The following MAN1A1 variants were observed in gnomAD, a reference collection of about 807,000 sequenced individuals.
MAN1A1 encodes the protein mannosidase alpha class 1A member 1, also known as mannosyl-oligosaccharide 1,2-alpha-mannosidase IA.
Under a neutral mutation model 70.8 loss-of-function variants are expected in MAN1A1, and 29 were observed. The observed-to-expected ratio is 0.41, with a 90% CI of 0.31 to 0.56. The LOEUF (loss-of-function observed/expected upper bound fraction) is 0.56, where lower values mean the gene tolerates loss of function less well. Among genes scored for constraint, MAN1A1 ranks in the 20% least tolerant of loss-of-function variants. The pLI is 0.29. For synonymous variants in MAN1A1, 349 were observed against 330.1 expected (o/e 1.06, Z -0.62); for missense variants, 747 against 841.3 (o/e 0.89, Z 1.39).
At chr6:119,317,828 C>T (rs929752020) in intron 2 of MAN1A1, among the ~76,000 whole-genome samples, 1 of 150,950 alleles carries the variant, frequency 6.6e-6, no homozygotes, top group Non-Finnish European at 1.5e-5. Context: ...AGGTAGAATT[C>T]ATAAAAATAG....
chr6:119,349,777 C>A (rs1051336294), upstream of MAN1A1: 4 of 983,918 alleles, frequency 4.1e-6, no homozygotes, highest in Non-Finnish European at 4.8e-6. Flanking sequence ...CACTGCCGGT[C>A]TTGGGGCGGT....
chr6:119,285,045 T>TA (rs975064771), intron 5 of MAN1A1, among the ~76,000 whole-genome samples: 10 of 130,476 alleles, frequency 7.7e-5, no homozygotes. Context: ...TCAGGAAACT[T>TA]ACAATCATGG....
At chr6:119,188,329 G>A in intron 11 of MAN1A1, 76 bp downstream of exon 11, 1 of 1,337,052 alleles carries the variant, frequency 7.5e-7, no homozygotes, top group Non-Finnish European at 1.0e-6. Context: ...AAGTTGATAA[G>A]CCTGATTTAT....
chr6:119,243,566 G>A (rs1050034158), intron 6 of MAN1A1, among the ~76,000 whole-genome samples: 2 of 151,944 alleles, frequency 1.3e-5, no homozygotes, highest in African/African-American at 2.4e-5. Flanking sequence ...CAACAAGGGG[G>A]CTATCACCTT....
At chr6:119,210,887 C>T (rs1393007205) in intron 6 of MAN1A1, 1 of 455,864 alleles carries the variant, frequency 2.2e-6, no homozygotes, top group Non-Finnish European at 4.4e-6. Context: ...GATATCCCAC[C>T]TCATATGGTA....
At chr6:119,266,152 T>C (rs1775747954) in intron 5 of MAN1A1, among the ~76,000 whole-genome samples, 1 of 152,134 alleles carries the variant, frequency 6.6e-6, no homozygotes, top group South Asian at 2.1e-4. Flanking sequence ...AGATAGAAGA[T>C]TGAATACCAA....
chr6:119,260,653 A>AC (rs1248519432), intron 5 of MAN1A1, among the ~76,000 whole-genome samples: 1 of 152,058 alleles, frequency 6.6e-6, no homozygotes, highest in Non-Finnish European at 1.5e-5. Context: ...TCTTTTTTTC[A>AC]TTTAGAGGCT....
intron 2 of MAN1A1, chr6:119,331,951 G>C (rs755890058): frequency 2.0e-6 from 1 of 510,650 alleles, no homozygotes; most frequent in South Asian, 1.4e-5. Flanking sequence ...TTTCAACCTC[G>C]CAGGAGCTGC....
chr6:119,201,471 A>G, intron 7 of MAN1A1, 124 bp from the exon 8 acceptor site: 1 of 655,064 alleles, frequency 1.5e-6, no homozygotes, highest in South Asian at 1.8e-5. Context: ...AACTGCTGTT[A>G]GCTTATTATT....
chr6:119,183,854 G>A (rs1462729813), intron 11 of MAN1A1, among the ~76,000 whole-genome samples: 1 of 152,044 alleles, frequency 6.6e-6, no homozygotes, highest in African/African-American at 2.4e-5. Flanking sequence ...TGGCCCCAGA[G>A]GTTCCATGTC....
At chr6:119,304,088 AG>A (rs5879500) in intron 3 of MAN1A1, among the ~76,000 whole-genome samples, 50,446 of 152,080 alleles carry the variant, frequency 0.33, 8,840 homozygotes, top group Non-Finnish European at 0.36. Context: ...TATAAATATA[AG>A]TGAAAATTAT....
chr6:119,274,752 T>C (rs1269467443), intron 5 of MAN1A1, among the ~76,000 whole-genome samples: 4 of 152,172 alleles, frequency 2.6e-5, no homozygotes, highest in Non-Finnish European at 5.9e-5. Context: ...AAAGAGAGAT[T>C]AAAGCTGAAA....
chr6:119,301,266 T>C (rs778220568), intron 4 of MAN1A1, among the ~76,000 whole-genome samples: 8 of 152,190 alleles, frequency 5.3e-5, no homozygotes, highest in Non-Finnish European at 1.2e-4. Flanking sequence ...TATAAGTTCT[T>C]TGTCAATATC....
chr6:119,350,458 C>T, upstream of MAN1A1: 1 of 881,970 alleles, frequency 1.1e-6, no homozygotes, highest in Non-Finnish European at 1.4e-6. Flanking sequence ...CTTTCTTCCC[C>T]CAAAAAACAA....
intron 5 of MAN1A1, among the ~76,000 whole-genome samples, chr6:119,267,846 T>C (rs1314138021): frequency 6.6e-6 from 1 of 152,218 alleles, no homozygotes; most frequent in Admixed American, 6.5e-5. Context: ...CATCTCATTT[T>C]TTCTTTTCTT....
At chr6:119,283,117 G>A (rs1776265058) in intron 5 of MAN1A1, among the ~76,000 whole-genome samples, 1 of 152,166 alleles carries the variant, frequency 6.6e-6, no homozygotes, top group Non-Finnish European at 1.5e-5. Flanking sequence ...AGCTGGGGTG[G>A]GGGTTGAAGG....
At chr6:119,212,057 G>T (rs1381105341) in intron 6 of MAN1A1, among the ~76,000 whole-genome samples, 2 of 151,544 alleles carry the variant, frequency 1.3e-5, no homozygotes, top group Non-Finnish European at 2.9e-5. Flanking sequence ...AGCCAGGATG[G>T]TCTCGATCTC....
At chr6:119,260,976 G>GT (rs61169300) in intron 5 of MAN1A1, among the ~76,000 whole-genome samples, 153 of 116,946 alleles carry the variant, frequency 1.3e-3, no homozygotes, top group East Asian at 4.2e-3. Flanking sequence ...TTTTTTTATT[G>GT]TTTTTTTTTT....
intron 6 of MAN1A1, among the ~76,000 whole-genome samples, 170 bp downstream of exon 6, chr6:119,248,090 G>C (rs1775217283): frequency 6.6e-6 from 1 of 152,120 alleles, no homozygotes; most frequent in South Asian, 2.1e-4. Flanking sequence ...TGAGGCTATG[G>C]AACACTGAAA....
Sources: gnomAD v4.1 joint callset for allele counts (sites outside exome capture counted in the v4.1 genomes callset) on GRCh38, gnomAD v4.1.1 for gene constraint, MANE v1.5 for transcripts, NCBI Gene and HGNC (gene_info 2026-07-23, HGNC 2026-07-21) for gene names.